The following SLC16A3 variants were observed in gnomAD, a reference collection of about 807,000 sequenced individuals.
The protein encoded by SLC16A3 is monocarboxylate transporter 4.
In SLC16A3, 22 loss-of-function variants were observed where a neutral mutation model predicts 25.0. The ratio of observed to expected loss-of-function variants is 0.88; its 90% CI spans 0.63 to 1.26. The LOEUF is 1.26. Ranked by LOEUF, SLC16A3 falls within the 50% of genes most tolerant of loss-of-function variation. The pLI is 0.00. For missense variants in SLC16A3, 731 were observed against 666.6 expected, an observed-to-expected ratio of 1.10 and a Z score of -1.06; for synonymous variants, 390 against 309.2, an observed-to-expected ratio of 1.26 and a Z score of -2.74.
At chr17:82,225,119 G>A (rs2050413979), upstream of SLC16A3, among the ~76,000 whole-genome samples, 1 of 152,172 alleles carries the variant, frequency 6.6e-6, no homozygotes, top group African/African-American at 2.4e-5. Flanking sequence ...AACATTAGCT[G>A]GGCGTAGTGG....
intron 2 of SLC16A3, chr17:82,236,477 G>A (rs2050605040): frequency 9.5e-6 from 6 of 629,846 alleles, no homozygotes; most frequent in South Asian, 5.9e-5. Flanking sequence ...CGTCTCAGAG[G>A]ACAGGCTCCT....
chr17:82,235,477 GGA>G, intron 1 of SLC16A3: 2 of 165,274 alleles, frequency 1.2e-5, no homozygotes, highest in Admixed American at 5.6e-5. Context: ...CTTGGGGGCA[GGA>G]GAGCCAGAGC....
chr17:82,222,470 C>T (rs35038106), intron 1 of SLC16A3, among the ~76,000 whole-genome samples: 66,627 of 152,104 alleles, frequency 0.44, 15,620 homozygotes, highest in East Asian at 0.88. Flanking sequence ...AGAAACGAAA[C>T]GTGGTCCATC....
upstream of SLC16A3, among the ~76,000 whole-genome samples, chr17:82,225,093 T>G (rs2050413851): frequency 6.6e-6 from 1 of 152,130 alleles, no homozygotes; most frequent in Non-Finnish European, 1.5e-5. Flanking sequence ...AAACCCTGTC[T>G]CTACTAAAAA....
chr17:82,218,634 C>T (rs1293371902), intron 1 of SLC16A3, among the ~76,000 whole-genome samples: 1 of 152,172 alleles, frequency 6.6e-6, no homozygotes, highest in Admixed American at 6.5e-5. Context: ...ACCACCAAAG[C>T]AGGTGATACC....
chr17:82,230,870 G>GGAGCC, intron 1 of SLC16A3: 1 of 152,168 alleles, frequency 6.6e-6, no homozygotes, highest in African/African-American at 2.4e-5. Flanking sequence ...CGCACGCAAC[G>GGAGCC]GAACCGAACC....
chr17:82,230,841 A>G (rs1282678547), intron 1 of SLC16A3: 2 of 152,140 alleles, frequency 1.3e-5, no homozygotes, highest in East Asian at 3.9e-4. Flanking sequence ...CATCTGTGAA[A>G]TGGGCCACGC....
At position 82,237,332 on chromosome 17, in the gene SLC16A3, C is replaced by A; in HGVS notation, c.562C>A (p.Leu188Ile). 1 of 1,542,466 alleles carries A rather than the reference C, an allele frequency of 6.5e-7. No homozygotes were observed. Among genetic ancestry groups the A allele is most frequent in the South Asian group, 1.2e-5 (1 of 82,934 alleles). Residue 188 changes from leucine (L) to isoleucine (I), a missense_variant, in exon 4 of 5, where the codon CTC becomes ATC. By Grantham distance (5) the Leu-to-Ile change is conservative (BLOSUM62 2). Coordinates refer to ENST00000582743, the MANE Select transcript of SLC16A3 (RefSeq NM_004207.4). The stretch of plus-strand genomic sequence containing the variant: ...CTTCCTCATCCTGGGCGGCCTGCTG[C>A]TCAACTGCTGCGTGTGTGCCGCACT... ...GGFLILGGLL[L>I]NCCVCAALMR...
chr17:82,235,769 G>C, intron 1 of SLC16A3: 1 of 584,724 alleles, frequency 1.7e-6, no homozygotes, highest in Non-Finnish European at 3.1e-6. Context: ...GAGGGTGCAG[G>C]AGGCAGTGCA....
At chr17:82,219,741 G>A (rs1006520656) in intron 1 of SLC16A3, among the ~76,000 whole-genome samples, 1 of 152,124 alleles carries the variant, frequency 6.6e-6, no homozygotes, top group South Asian at 2.1e-4. Flanking sequence ...ACTGAAAGGC[G>A]GGGGGTCTGC....
chr17:82,221,625 A>G (rs1332751327), intron 1 of SLC16A3, among the ~76,000 whole-genome samples: 1 of 152,088 alleles, frequency 6.6e-6, no homozygotes, highest in East Asian at 1.9e-4. Context: ...CCCAATACCA[A>G]AGAAGATACA....
In SLC16A3 at chr17:82,237,869, G is replaced by A. The variant is rs1359399888; in HGVS notation, c.1099G>A (p.Val367Met). 1.2e-5 allele frequency: 19 copies of A among 1,600,754 alleles called. No individual in the cohort carries two copies. Among genetic ancestry groups the A allele is most frequent in the Non-Finnish European group, 1.4e-5 (17 of 1,179,696 alleles). Residue 367 changes from valine to methionine, a missense_variant, in exon 4 of 5, where the codon GTG becomes ATG. Physicochemically the swap from Val to Met is conservative, Grantham distance 21. Coordinates refer to ENST00000582743, the MANE Select transcript of SLC16A3 (RefSeq NM_004207.4). ...GGTGCTGCTGATGGAGGCGGTGGCC[G>A]TGCTCGTCGGGCCCCCTTCGGGAGG... ...GLVLLMEAVAVLVGPPSGGKL... is the reference protein window; with the variant it reads ...GLVLLMEAVAMLVGPPSGGKL...
Position 82,237,667 on chromosome 17 carries a change from C to T in SLC16A3, c.897C>T (p.Ser299=), listed in dbSNP as rs1488328456. ...GGCCCTACTCCGTCTACCTCTTCAG[C>T]TTCTCCATGTTCTTCAACGGCCTCG... ...KVRPYSVYLF[S]FSMFFNGLAD... The change falls in exon 4 of 5, where the codon AGC becomes AGT. Residue 299 remains serine, a synonymous_variant. Transcript: ENST00000582743. 4 of 1,613,118 alleles carry T rather than the reference C, an allele frequency of 2.5e-6. No individual in the cohort carries two copies. In the South Asian group the frequency reaches 3.3e-5, roughly 13 times the overall value.
At chr17:82,222,301 GTGT>G (rs2050394199) in intron 1 of SLC16A3, among the ~76,000 whole-genome samples, 1 of 140,542 alleles carries the variant, frequency 7.1e-6, no homozygotes, top group African/African-American at 2.8e-5. Context: ...GTGGAGACGA[GTGT>G]CGCCCTGGGA....
At chr17:82,223,994 A>G (rs1045285434), upstream of SLC16A3, among the ~76,000 whole-genome samples, 2 of 151,166 alleles carry the variant, frequency 1.3e-5, no homozygotes, top group Non-Finnish European at 3.0e-5. Flanking sequence ...ACACCTGTGC[A>G]GACGCACCCC....
intron 1 of SLC16A3, among the ~76,000 whole-genome samples, chr17:82,222,578 C>T (rs1467137193): frequency 2.0e-5 from 3 of 152,062 alleles, no homozygotes; most frequent in African/African-American, 7.2e-5. Flanking sequence ...TCGAGGCAGG[C>T]GCCTCACCTG....
At chr17:82,232,253 CG>C (rs1399366452) in intron 1 of SLC16A3, 1 of 152,330 alleles carries the variant, frequency 6.6e-6, no homozygotes, top group East Asian at 1.9e-4. Context: ...TAACAGGCCA[CG>C]GGCCCCGGGC....
rs997414641 is a variant in SLC16A3 at position 82,237,644 on chromosome 17, C to A, written c.874C>A (p.Pro292Thr). 6.2e-7 allele frequency: 1 copy of A among 1,612,806 alleles called. No homozygotes were observed. Among genetic ancestry groups the A allele is most frequent in the African/African-American group, 1.3e-5 (1 of 74,928 alleles). ...CGTGGCGGGGCTTGGGAAGGTGCGGCCCTACTCCGTCTACCTCTTCAGCTT... is the reference window on the plus strand; with the variant it reads ...CGTGGCGGGGCTTGGGAAGGTGCGGACCTACTCCGTCTACCTCTTCAGCTT... The part of the protein sequence containing the change: ...GFVAGLGKVR[P>T]YSVYLFSFSM... The change falls in exon 4 of 5, where the codon CCC becomes ACC. Residue 292 changes from proline (P) to threonine (T), a missense_variant. Physicochemically the swap from Pro to Thr is conservative, Grantham distance 38. Coordinates refer to ENST00000582743, the MANE Select transcript of SLC16A3 (RefSeq NM_004207.4).
chr17:82,238,088 C>T lies in SLC16A3; in HGVS notation c.1123+195C>T, dbSNP rs945313594. Among the ~76,000 whole-genome samples the T allele has an allele frequency of 5.3e-5, 8 of 152,254 alleles. No homozygotes were observed. The Middle Eastern group carries it at 0.014, about 259-fold the overall frequency. ...TCCATTAGGAGTGGGGTGCTCCGTC[C>T]GGCACAGTGTGTCCAGACAGGCAGG... On this transcript the variant is annotated intron_variant, in intron 4 of 4. Transcript: ENST00000582743.
Sources: gnomAD v4.1 joint callset for allele counts (sites outside exome capture counted in the v4.1 genomes callset) on GRCh38, gnomAD v4.1.1 for gene constraint, MANE v1.5 for transcripts, NCBI Gene and HGNC (gene_info 2026-07-23, HGNC 2026-07-21) for gene names.